The following SNX29 variants were observed in gnomAD, a reference collection of about 807,000 sequenced individuals.
SNX29 encodes the protein sorting nexin-29.
In SNX29, 78 loss-of-function variants were observed where a neutral mutation model predicts 102.1. The observed-to-expected ratio is 0.76, with a 90% CI of 0.64 to 0.92. SNX29 has a LOEUF of 0.92. Ranked by LOEUF, SNX29 falls within the 40% of genes least tolerant of loss-of-function variation. SNX29 has a pLI of 0.00. For missense variants in SNX29, 1,280 were observed against 1,061.7 expected (o/e 1.21, Z -2.86); for synonymous variants, 580 against 414.5 (o/e 1.40, Z -4.85).
chr16:12,279,607 C>T (rs2079367692), intron 15 of SNX29, among the ~76,000 whole-genome samples: 1 of 152,134 alleles, frequency 6.6e-6, no homozygotes, highest in African/African-American at 2.4e-5. Context: ...GCCCGGAAGT[C>T]CCAAGTGGAG....
intron 8 of SNX29, among the ~76,000 whole-genome samples, chr16:12,054,832 C>T (rs1199220377): frequency 1.3e-5 from 2 of 152,218 alleles, no homozygotes; most frequent in Non-Finnish European, 2.9e-5. Flanking sequence ...GCCTTTCAGT[C>T]AGATCAACAT....
At chr16:12,247,007 A>C (rs537009791) in intron 14 of SNX29, among the ~76,000 whole-genome samples, 2 of 152,280 alleles carry the variant, frequency 1.3e-5, no homozygotes, top group Admixed American at 6.5e-5. Context: ...TAGAACTCAG[A>C]GAGTGAGGGG....
At chr16:12,046,529 C>T (rs1293366577) in intron 6 of SNX29, 75 bp downstream of exon 6, 17 of 1,400,378 alleles carry the variant, frequency 1.2e-5, no homozygotes, top group Admixed American at 6.9e-5. Flanking sequence ...AGTTCCACAG[C>T]GCCATGGAGT....
At chr16:12,403,151 A>G (rs535500719) in intron 17 of SNX29, among the ~76,000 whole-genome samples, 39 of 151,860 alleles carry the variant, frequency 2.6e-4, no homozygotes, top group South Asian at 4.2e-4. Flanking sequence ...AGATCACTCC[A>G]TAAGAACTGA....
chr16:12,313,841 C>T (rs1418827778), intron 15 of SNX29, among the ~76,000 whole-genome samples: 1 of 152,232 alleles, frequency 6.6e-6, no homozygotes, highest in Non-Finnish European at 1.5e-5. Context: ...ACAATGGCTT[C>T]CTATAACATA....
chr16:12,009,932 T>C (rs2056591103), intron 3 of SNX29, among the ~76,000 whole-genome samples: 1 of 152,218 alleles, frequency 6.6e-6, no homozygotes, highest in Admixed American at 6.5e-5. Context: ...GATCTGGAAG[T>C]TTTCCCTTCA....
At chr16:12,025,445 T>C (rs2057163359) in intron 3 of SNX29, among the ~76,000 whole-genome samples, 1 of 152,106 alleles carries the variant, frequency 6.6e-6, no homozygotes, top group East Asian at 1.9e-4. Context: ...TCAAGGTTAA[T>C]CATTGATTTA....
chr16:12,453,010 T>C (rs762889233), intron 18 of SNX29, among the ~76,000 whole-genome samples: 1 of 152,140 alleles, frequency 6.6e-6, no homozygotes, highest in Non-Finnish European at 1.5e-5. Context: ...CACGGGGCCC[T>C]AGATGCAAAA....
At chr16:12,219,507 C>T (rs1567325155) in intron 14 of SNX29, among the ~76,000 whole-genome samples, 1 of 152,190 alleles carries the variant, frequency 6.6e-6, no homozygotes, top group Non-Finnish European at 1.5e-5. Context: ...TTGCTAATGA[C>T]ATACAACCTG....
chr16:12,154,630 C>A (rs780456761), intron 13 of SNX29, among the ~76,000 whole-genome samples: 1 of 152,194 alleles, frequency 6.6e-6, no homozygotes, highest in African/African-American at 2.4e-5. Flanking sequence ...TTAGTCCATC[C>A]GGGCTACTAT....
At chr16:12,487,309 G>T (rs985533424) in intron 19 of SNX29, among the ~76,000 whole-genome samples, 1 of 152,120 alleles carries the variant, frequency 6.6e-6, no homozygotes, top group African/African-American at 2.4e-5. Context: ...GACATGGATG[G>T]TCCCGCCGAA....
rs564604287 is a variant in SNX29 at position 12,570,420 on chromosome 16, G to A, written c.*1791G>A. The A allele has an allele frequency of 7.7e-5, 20 of 260,442 alleles. No individual in the cohort carries two copies. Among genetic ancestry groups the A allele is most frequent in the South Asian group, 4.9e-4 (3 of 6,086 alleles). The allele number at this position is 260,442 out of a possible 1,614,324, so 16.1% of individuals were successfully genotyped here. ...GAGTGCACATCAGCTCACATGACTG[G>A]CAACTCTAAATAGAGAGCCCTAATG... On this transcript the variant is annotated 3_prime_UTR_variant, in exon 21 of 21. Coordinates refer to ENST00000566228, the MANE Select transcript of SNX29 (RefSeq NM_032167.5).
intron 18 of SNX29, among the ~76,000 whole-genome samples, chr16:12,418,275 C>G (rs1023055744): frequency 6.6e-6 from 1 of 152,222 alleles, no homozygotes; most frequent in Non-Finnish European, 1.5e-5. Context: ...TTGCTAGCGT[C>G]CTTCCTCCAG....
At chr16:12,567,542 T>C (rs1416693731) in intron 20 of SNX29, among the ~76,000 whole-genome samples, 4 of 152,066 alleles carry the variant, frequency 2.6e-5, no homozygotes, top group African/African-American at 7.2e-5. Context: ...CCCAGCACTT[T>C]AGGAGGCTGA....
chr16:12,409,378 T>C (rs2084300645), intron 18 of SNX29, among the ~76,000 whole-genome samples: 1 of 152,104 alleles, frequency 6.6e-6, no homozygotes, highest in Non-Finnish European at 1.5e-5. Flanking sequence ...TTTGATCTTA[T>C]TCCCCAAATT....
At chr16:12,297,400 A>G (rs1447661170) in intron 15 of SNX29, 1 of 151,970 alleles carries the variant, frequency 6.6e-6, no homozygotes, top group African/African-American at 2.4e-5. Context: ...TTTTTTGTTT[A>G]TTGGTTTGTT....
At chr16:12,024,897 C>T (rs918566192) in intron 3 of SNX29, among the ~76,000 whole-genome samples, 36 of 152,018 alleles carry the variant, frequency 2.4e-4, no homozygotes, top group African/African-American at 8.2e-4. Context: ...GTTTTTTTCT[C>T]TCTGAGACAG....
intron 18 of SNX29, among the ~76,000 whole-genome samples, chr16:12,414,234 T>A (rs895636984): frequency 2.6e-5 from 4 of 152,078 alleles, no homozygotes; most frequent in African/African-American, 7.2e-5. Flanking sequence ...TTGAGCCAGG[T>A]GTGGTGGCTT....
At chr16:12,285,702 A>G (rs757799567) in intron 15 of SNX29, among the ~76,000 whole-genome samples, 1 of 152,132 alleles carries the variant, frequency 6.6e-6, no homozygotes, top group Non-Finnish European at 1.5e-5. Context: ...AACACTTCTC[A>G]TGCGTGTCCA....
Sources: allele counts gnomAD v4.1 joint callset (sites outside exome capture counted in the v4.1 genomes callset), GRCh38; gene constraint gnomAD v4.1.1; transcripts MANE v1.5; gene names NCBI Gene and HGNC (gene_info 2026-07-23, HGNC 2026-07-21).